RALGAPB: variants seen among roughly 807,000 people sequenced by gnomAD.
RALGAPB encodes the protein Ral GTPase activating protein non-catalytic subunit beta.
In RALGAPB, 25 loss-of-function variants were observed where a neutral mutation model predicts 161.1. The ratio of observed to expected loss-of-function variants is 0.16; its 90% CI spans 0.11 to 0.22. The LOEUF is 0.22. Ranked by LOEUF, RALGAPB falls within the 10% of genes least tolerant of loss-of-function variation. The pLI, the probability that RALGAPB is intolerant of heterozygous loss-of-function variation, is 1.00. For missense variants in RALGAPB, 1,391 were observed against 1,815.2 expected (o/e 0.77, Z 4.25); for synonymous variants, 629 against 626.1 (o/e 1.00, Z -0.07).
intron 18 of RALGAPB, among the ~76,000 whole-genome samples, chr20:38,543,341 G>A (rs1043777377): frequency 6.6e-6 from 1 of 152,174 alleles, no homozygotes; most frequent in Non-Finnish European, 1.5e-5. Context: ...GCCAGTGACT[G>A]AGTTAAACAG....
chr20:38,487,693 A>G (rs1035984845), intron 1 of RALGAPB, among the ~76,000 whole-genome samples: 6 of 152,224 alleles, frequency 3.9e-5, no homozygotes, highest in African/African-American at 1.4e-4. Flanking sequence ...TTATGCAATT[A>G]TCTTGCAGGA....
At chr20:38,499,357 A>T in intron 4 of RALGAPB, 90 bp from the exon 5 acceptor site, 1 of 1,184,078 alleles carries the variant, frequency 8.4e-7, no homozygotes. Context: ...ACTTATTTTA[A>T]TTTTTTGACC....
chr20:38,501,365 A>G (rs56852797), intron 5 of RALGAPB, among the ~76,000 whole-genome samples: 4,311 of 152,296 alleles, frequency 0.028, 217 homozygotes, highest in African/African-American at 0.098. Flanking sequence ...TAATCCCAGC[A>G]CTTTGGGAGT....
At chr20:38,527,545 C>G (rs2086509912) in intron 13 of RALGAPB, among the ~76,000 whole-genome samples, 1 of 152,134 alleles carries the variant, frequency 6.6e-6, no homozygotes. Flanking sequence ...TAGCTATATT[C>G]TTGTTCAGGC....
intron 23 of RALGAPB, among the ~76,000 whole-genome samples, chr20:38,559,110 C>T (rs2087698210): frequency 6.6e-6 from 1 of 152,170 alleles, no homozygotes; most frequent in Non-Finnish European, 1.5e-5. Context: ...TAAATAGGAG[C>T]TGTAGGATAT....
chr20:38,481,916 A>G (rs1450665094), intron 1 of RALGAPB, among the ~76,000 whole-genome samples: 1 of 152,208 alleles, frequency 6.6e-6, no homozygotes, highest in Non-Finnish European at 1.5e-5. Context: ...ATAAAAACAT[A>G]TTACATTAAG....
At chr20:38,480,389 T>C (rs1162396827) in intron 1 of RALGAPB, among the ~76,000 whole-genome samples, 19 of 28,988 alleles carry the variant, frequency 6.6e-4, no homozygotes, top group Non-Finnish European at 1.1e-3. Flanking sequence ...TTCTTTCTTT[T>C]TTTTTTTTTT....
intron 8 of RALGAPB, 26 bp from the exon 9 acceptor site, chr20:38,517,758 G>A (rs781127299): frequency 6.2e-6 from 10 of 1,605,814 alleles, no homozygotes; most frequent in Non-Finnish European, 8.5e-6. Context: ...CATTGGTATG[G>A]GTGTATTCTT....
At position 38,518,402 on chromosome 20, in the gene RALGAPB, A is replaced by G. The variant is rs77084959; in HGVS notation, c.1417+402A>G. 7.5e-3 allele frequency among the ~76,000 whole-genome samples: 1,137 copies of G among 152,340 alleles called. 17 individuals carry two copies. Among genetic ancestry groups the G allele is most frequent in the African/African-American group, 0.026 (1,085 of 41,582 alleles). On this transcript the variant is annotated intron_variant, in intron 9 of 29. Transcript: ENST00000262879. ...TTTTGACAGCCATTCACTCATTAGT[A>G]TATGTAAACATCAGAAAATTTTTGC...
chr20:38,480,152 A>C (rs1425897811), intron 1 of RALGAPB, among the ~76,000 whole-genome samples: 1 of 150,042 alleles, frequency 6.7e-6, no homozygotes, highest in Non-Finnish European at 1.5e-5. Flanking sequence ...CGGCTAAGAT[A>C]AGGTTAAACT....
intron 2 of RALGAPB, among the ~76,000 whole-genome samples, chr20:38,490,862 C>T (rs2085258912): frequency 6.6e-6 from 1 of 152,160 alleles, no homozygotes; most frequent in African/African-American, 2.4e-5. Context: ...CCAGGCTGGT[C>T]TCGAACTCCT....
rs763311276 is a variant in RALGAPB at position 38,497,379 on chromosome 20, G to A, written c.416G>A (p.Arg139Gln). The change falls in exon 4 of 30, where the codon CGA becomes CAA. Residue 139 changes from arginine (R) to glutamine (Q), a missense_variant. Arg to Gln is a conservative substitution (Grantham distance 43). This residue lies in a region of RALGAPB where 946 missense variants were observed against 1,257.2 expected (regional missense o/e 0.75). Transcript: ENST00000262879. The stretch of plus-strand genomic sequence containing the variant: ...CAGGAACAGGGTTCCAGTCAGATTC[G>A]ACTATGCTTACAGGTCCTGAGAGCC... ...PRQEQGSSQI[R>Q]LCLQVLRAIQ... The A allele has an allele frequency of 2.5e-6, 4 of 1,613,822 alleles. No homozygotes were observed. Among genetic ancestry groups the A allele is most frequent in the Admixed American group, 1.7e-5 (1 of 59,988 alleles).
intron 13 of RALGAPB, among the ~76,000 whole-genome samples, chr20:38,528,486 G>A (rs901688457): frequency 1.3e-4 from 20 of 151,722 alleles, no homozygotes; most frequent in Admixed American, 7.2e-4. Flanking sequence ...TTCTTCTGCC[G>A]CAACCTCTGA....
chr20:38,551,168 C>T lies in RALGAPB; in HGVS notation c.3107C>T (p.Pro1036Leu). 1 of 1,613,916 alleles carries T rather than the reference C, an allele frequency of 6.2e-7. No homozygotes were observed. The highest frequency in any genetic ancestry group is 2.2e-5 in the East Asian group (1 of 44,888). ...RPFPEEVDKIPFVKADLSIPD... is the reference protein window; with the variant it reads ...RPFPEEVDKILFVKADLSIPD... ...TTTCCTGAAGAGGTGGACAAGATTCCTTTTGTGAAAGCAGATCTCAGCATT... is the reference window on the plus strand; with the variant it reads ...TTTCCTGAAGAGGTGGACAAGATTCTTTTTGTGAAAGCAGATCTCAGCATT... Residue 1036 changes from proline (P) to leucine (L), a missense_variant, in exon 21 of 30, where the codon CCT (proline) becomes CTT (leucine). By Grantham distance (98) the Pro-to-Leu change is moderately conservative. Coordinates refer to ENST00000262879, the MANE Select transcript of RALGAPB (RefSeq NM_020336.4).
intron 27 of RALGAPB, 75 bp from the exon 28 acceptor site, chr20:38,570,694 A>C: frequency 1.1e-6 from 1 of 940,078 alleles, no homozygotes; most frequent in East Asian, 2.4e-5. Context: ...TAAAGCGATT[A>C]GAAAATTAGA....
At chr20:38,490,236 T>G (rs1568905024) in intron 2 of RALGAPB, among the ~76,000 whole-genome samples, 1 of 152,068 alleles carries the variant, frequency 6.6e-6, no homozygotes, top group Non-Finnish European at 1.5e-5. Context: ...TGAGACGGAG[T>G]CTCGCTCTGT....
chr20:38,552,056 A>G (rs1411826180), intron 21 of RALGAPB, among the ~76,000 whole-genome samples: 2 of 152,274 alleles, frequency 1.3e-5, no homozygotes, highest in South Asian at 2.1e-4. Flanking sequence ...AATAGAAACT[A>G]CACTGTTAAC....
At chr20:38,517,704 T>C (rs1266319293) in intron 8 of RALGAPB, 50 bp downstream of exon 8, 2 of 1,607,496 alleles carry the variant, frequency 1.2e-6, no homozygotes, top group East Asian at 4.5e-5. Context: ...GGCTTTTTAA[T>C]CTGCCATTCT....
At chr20:38,564,864 T>C (rs2087928323) in intron 24 of RALGAPB, among the ~76,000 whole-genome samples, 1 of 151,846 alleles carries the variant, frequency 6.6e-6, no homozygotes, top group Admixed American at 6.6e-5. Flanking sequence ...TCTCTGTCTC[T>C]TCCTCCCTCC....
Sources: gnomAD v4.1 joint callset for allele counts (sites outside exome capture counted in the v4.1 genomes callset) on GRCh38, gnomAD v4.1.1 for gene constraint, gnomAD v4.1.1 regional missense constraint, MANE v1.5 for transcripts, NCBI Gene and HGNC (gene_info 2026-07-23, HGNC 2026-07-21) for gene names.